TENM4: variants seen among roughly 807,000 people sequenced by gnomAD.
TENM4 encodes the protein teneurin-4.
A neutral mutation model predicts 243.3 loss-of-function variants in TENM4; 82 were observed. The observed-to-expected ratio is 0.34, with a 90% CI of 0.28 to 0.40. The LOEUF is 0.40. Among genes scored for constraint, TENM4 ranks in the 10% least tolerant of loss-of-function variants. The probability of loss-of-function intolerance (pLI) is 1.00; values close to 1 mark genes in which losing one functional copy is unlikely to be tolerated. For synonymous variants in TENM4, 1,412 were observed against 1,456.3 expected (o/e 0.97, Z 0.69); for missense variants, 3,138 against 3,673.3 (o/e 0.85, Z 3.77).
At chr11:79,360,030 T>C (rs1295047458) in intron 1 of TENM4, among the ~76,000 whole-genome samples, 1 of 152,188 alleles carries the variant, frequency 6.6e-6, no homozygotes, top group Non-Finnish European at 1.5e-5. Flanking sequence ...GTCATCAGCA[T>C]CAAAGTCTCT....
intron 1 of TENM4, among the ~76,000 whole-genome samples, chr11:79,345,827 G>A (rs891622969): frequency 1.3e-5 from 2 of 152,182 alleles, no homozygotes; most frequent in Non-Finnish European, 2.9e-5. Context: ...AGCACACACA[G>A]GTGGGAATGT....
At chr11:78,793,471 G>C (rs1484077006) in intron 15 of TENM4, among the ~76,000 whole-genome samples, 1 of 152,184 alleles carries the variant, frequency 6.6e-6, no homozygotes, top group African/African-American at 2.4e-5. Flanking sequence ...GAGATTCCAA[G>C]AGTGACCTTA....
intron 6 of TENM4, among the ~76,000 whole-genome samples, chr11:79,057,908 T>A (rs962729915): frequency 2.6e-5 from 4 of 152,200 alleles, no homozygotes; most frequent in Non-Finnish European, 4.4e-5. Flanking sequence ...CTTTGCCTGT[T>A]ACAGTCCTTT....
At chr11:78,762,894 C>T (rs914314632) in intron 18 of TENM4, among the ~76,000 whole-genome samples, 15 of 152,040 alleles carry the variant, frequency 9.9e-5, no homozygotes, top group Non-Finnish European at 1.9e-4. Context: ...GAAAAAAAAG[C>T]GTGCTGTAGG....
intron 3 of TENM4, among the ~76,000 whole-genome samples, chr11:79,181,393 C>G (rs770509658): frequency 6.6e-6 from 1 of 152,074 alleles, no homozygotes; most frequent in Non-Finnish European, 1.5e-5. Flanking sequence ...ATTCAACACT[C>G]GTTTATGACA....
rs530142204 is a variant in TENM4, at chr11:79,353,154, C to A, written c.-320-55611G>T. Among the ~76,000 whole-genome samples, 3 of 152,314 alleles carry A rather than the reference C, an allele frequency of 2.0e-5. No homozygotes were observed. The East Asian group carries it at 5.8e-4, about 29-fold the overall frequency. On this transcript the variant is annotated intron_variant, in intron 1 of 33. Transcript: ENST00000278550. Reference sequence around the variant, plus strand: ...GGGCAGGAAAACAAAGCTTAACCAGCACGAGGCACCAATGAGAAATACTTG... The same window carrying A: ...GGGCAGGAAAACAAAGCTTAACCAGAACGAGGCACCAATGAGAAATACTTG...
At chr11:78,987,815 T>C (rs1349247352) in intron 6 of TENM4, among the ~76,000 whole-genome samples, 1 of 152,184 alleles carries the variant, frequency 6.6e-6, no homozygotes, top group Non-Finnish European at 1.5e-5. Flanking sequence ...CTCAGAGAAG[T>C]AGGTACTACT....
chr11:78,879,903 G>A (rs1424383755), intron 9 of TENM4, among the ~76,000 whole-genome samples: 3 of 152,146 alleles, frequency 2.0e-5, no homozygotes, highest in Admixed American at 6.5e-5. Context: ...TGGGAAGTGA[G>A]GAGCACCTCT....
chr11:78,982,634 C>G (rs1051207814), intron 6 of TENM4, among the ~76,000 whole-genome samples: 2 of 152,166 alleles, frequency 1.3e-5, no homozygotes, highest in African/African-American at 4.8e-5. Flanking sequence ...CCTCTTCTTG[C>G]TGCCAATTTT....
chr11:78,947,916 C>T (rs1197284357), intron 6 of TENM4, among the ~76,000 whole-genome samples: 2 of 152,130 alleles, frequency 1.3e-5, no homozygotes, highest in East Asian at 1.9e-4. Context: ...TTCTGTATTC[C>T]AAGAGGCGAA....
At chr11:79,179,358 CA>C (rs1323611954) in intron 3 of TENM4, among the ~76,000 whole-genome samples, 20 of 152,334 alleles carry the variant, frequency 1.3e-4, no homozygotes, top group African/African-American at 4.8e-4. Context: ...CACTTATTTG[CA>C]TACTGTCTAT....
chr11:79,061,817 G>C (rs1371381692), intron 6 of TENM4, among the ~76,000 whole-genome samples: 2 of 152,158 alleles, frequency 1.3e-5, no homozygotes, highest in African/African-American at 4.8e-5. Flanking sequence ...GACCTATGCA[G>C]ATTTCTTAAC....
intron 16 of TENM4, among the ~76,000 whole-genome samples, chr11:78,785,067 T>G (rs200189767): frequency 5.4e-5 from 8 of 147,710 alleles, no homozygotes; most frequent in African/African-American, 2.1e-4. Flanking sequence ...TTTTTTTTTT[T>G]GTTTTTGTTT....
intron 4 of TENM4, among the ~76,000 whole-genome samples, chr11:79,108,348 A>G (rs1861423079): frequency 6.6e-6 from 1 of 152,220 alleles, no homozygotes. Flanking sequence ...AAGATGTTCT[A>G]CTTCAAGACT....
chr11:78,662,620 T>C (rs1342622166), intron 32 of TENM4, among the ~76,000 whole-genome samples: 4 of 152,140 alleles, frequency 2.6e-5, no homozygotes, highest in Non-Finnish European at 4.4e-5. Context: ...GATTTTGCCA[T>C]GAACATCTGG....
At chr11:78,750,556 G>A (rs895436709) in intron 19 of TENM4, among the ~76,000 whole-genome samples, 1 of 152,240 alleles carries the variant, frequency 6.6e-6, no homozygotes, top group Non-Finnish European at 1.5e-5. Flanking sequence ...CTGTAGGAGA[G>A]GCAGCTCTCA....
At chr11:79,084,546 C>G (rs1209003528) in intron 4 of TENM4, among the ~76,000 whole-genome samples, 1 of 152,160 alleles carries the variant, frequency 6.6e-6, no homozygotes, top group African/African-American at 2.4e-5. Flanking sequence ...AAACAATGAA[C>G]TAATGCTACC....
chr11:79,196,345 G>A (rs1863626760), intron 3 of TENM4, among the ~76,000 whole-genome samples: 1 of 151,944 alleles, frequency 6.6e-6, no homozygotes. Flanking sequence ...GTGTCTCTGA[G>A]CCTGTTTCTT....
chr11:78,897,593 C>T (rs1027579340), intron 7 of TENM4, among the ~76,000 whole-genome samples: 2 of 152,196 alleles, frequency 1.3e-5, no homozygotes, highest in Non-Finnish European at 2.9e-5. Context: ...CAGAGGACTC[C>T]CTCTGTCACA....
Sources: gnomAD v4.1 joint callset for allele counts (sites outside exome capture counted in the v4.1 genomes callset) on GRCh38, gnomAD v4.1.1 for gene constraint, MANE v1.5 for transcripts, NCBI Gene and HGNC (gene_info 2026-07-23, HGNC 2026-07-21) for gene names.